The following TNRC18 variants were observed in gnomAD, a reference collection of about 807,000 sequenced individuals.
TNRC18 encodes the protein trinucleotide repeat-containing gene 18 protein.
TNRC18 carries 69 observed loss-of-function variants against 226.7 expected under a neutral mutation model. The observed-to-expected ratio is 0.30, with a 90% CI of 0.25 to 0.37. The LOEUF is 0.37. TNRC18 is among the 10% of genes least tolerant of loss of function. The pLI is 1.00. For missense variants in TNRC18, 4,754 were observed against 4,256.6 expected (o/e 1.12, Z -3.25); for synonymous variants, 2,449 against 1,927.6 (o/e 1.27, Z -7.09).
At chr7:5,347,914 C>A (rs1192112292) in intron 17 of TNRC18, among the ~76,000 whole-genome samples, 2 of 152,162 alleles carry the variant, frequency 1.3e-5, no homozygotes, top group South Asian at 4.1e-4. Context: ...GCGATCGCCA[C>A]TGCACTCCAG....
chr7:5,364,931 C>A (rs1793467605), intron 11 of TNRC18, among the ~76,000 whole-genome samples: 1 of 151,796 alleles, frequency 6.6e-6, no homozygotes, highest in Non-Finnish European at 1.5e-5. Context: ...GAGCTTGGAC[C>A]TTATAAAAAC....
intron 16 of TNRC18, among the ~76,000 whole-genome samples, 198 bp downstream of exon 16, chr7:5,356,718 C>T (rs1201711564): frequency 6.6e-6 from 1 of 152,014 alleles, no homozygotes; most frequent in Non-Finnish European, 1.5e-5. Context: ...CAGTCACAGG[C>T]ATATCCGCTT....
Position 5,332,494 on chromosome 7 carries a change from C to A in TNRC18, c.6147+128G>T, listed in dbSNP as rs943059737. ...GCTAAGTCCTAGCAGGGGCTCCGGG[C>A]GGGCCTGGAGCCGAGTACATGGTTA... is the stretch of plus-strand genomic sequence containing the variant. On this transcript the variant is annotated intron_variant, in intron 19 of 29. Transcript: ENST00000430969. 23 of 1,044,324 alleles carry A rather than the reference C, an allele frequency of 2.2e-5. No homozygotes were observed. In the African/African-American group the frequency reaches 3.4e-4, roughly 16 times the overall value. The allele number at this position is 1,044,324 out of a possible 1,614,324, so 64.7% of individuals were successfully genotyped here.
intron 18 of TNRC18, among the ~76,000 whole-genome samples, chr7:5,341,871 C>CA (rs34662288): frequency 5.3e-5 from 8 of 150,688 alleles, no homozygotes; most frequent in African/African-American, 1.2e-4. Flanking sequence ...CTATTGTTCA[C>CA]AAAAAAAAAT....
Position 5,388,618 on chromosome 7 carries a change from GC to G in TNRC18, c.1205del (p.Arg402ProfsTer188). On this transcript the variant is annotated frameshift_variant, in exon 5 of 30. Transcript: ENST00000430969. LOFTEE classifies it high-confidence loss of function. The part of the protein sequence containing the change: ...SQARDARARE[R>X]EAGRPGVLQA... Reference sequence around the variant, plus strand: ...GCAGGACCCCTGGCCTGCCAGCCTCGCGCTCGCGGGCCCGGGCATCGCGCGC... The same window carrying G: ...GCAGGACCCCTGGCCTGCCAGCCTCGGCTCGCGGGCCCGGGCATCGCGCGC... The G allele has an allele frequency of 7.8e-7, 1 of 1,284,188 alleles. No individual in the cohort carries two copies. Among genetic ancestry groups the G allele is most frequent in the Non-Finnish European group, 9.9e-7 (1 of 1,014,816 alleles). 79.5% of individuals were successfully genotyped at this position (1,284,188 alleles called of 1,614,324 possible). A position where few individuals can be genotyped will look rare whatever the true frequency, so the allele number is the denominator to read the frequency against.
At chr7:5,364,802 A>AG (rs1415025785) in intron 11 of TNRC18, among the ~76,000 whole-genome samples, 4 of 125,516 alleles carry the variant, frequency 3.2e-5, no homozygotes, top group Admixed American at 1.7e-4. Flanking sequence ...AGGCTGTCTC[A>AG]GGAAAAAAAA....
At chr7:5,400,245 G>C (rs1056226585) in intron 2 of TNRC18, among the ~76,000 whole-genome samples, 1 of 152,080 alleles carries the variant, frequency 6.6e-6, no homozygotes, top group Non-Finnish European at 1.5e-5. Flanking sequence ...GCTCAGAGAA[G>C]CTAAAAGCAC....
At chr7:5,316,745 C>T (rs1392178104) in intron 24 of TNRC18, among the ~76,000 whole-genome samples, 3 of 152,110 alleles carry the variant, frequency 2.0e-5, no homozygotes, top group Non-Finnish European at 2.9e-5. Flanking sequence ...AGTGGGAGAC[C>T]GTGGCATTTC....
intron 10 of TNRC18, among the ~76,000 whole-genome samples, chr7:5,373,614 C>T (rs904334992): frequency 1.8e-4 from 28 of 152,192 alleles, no homozygotes; most frequent in African/African-American, 6.5e-4. Context: ...GTCCCAGCCC[C>T]CAAAGCCACC....
chr7:5,376,109 C>A lies in TNRC18; in HGVS notation c.2724G>T (p.Leu908=). The A allele has an allele frequency of 6.3e-7, 1 of 1,592,354 alleles. No individual in the cohort carries two copies. Among genetic ancestry groups the A allele is most frequent in the Non-Finnish European group, 8.5e-7 (1 of 1,170,378 alleles). ...QLQLFSQQHF[L]RQQEFLYLQQ... is the part of the protein sequence containing the mutation. ...GCAGGTACAGGAACTCCTGCTGCCG[C>A]AGGAAGTGCTGCTGTGAGAAGAGCT... The change falls in exon 9 of 30, where the codon CTG becomes CTT. Residue 908 remains leucine (L), a synonymous_variant. Coordinates refer to ENST00000430969, the MANE Select transcript of TNRC18 (RefSeq NM_001080495.3).
rs1210713056 is a variant in TNRC18 at position 5,357,276 on chromosome 7, G to A, written c.4834C>T (p.Leu1612=). ...GCCATCTTCTTCTTCTTAATCTTTA[G>A]CTGGAGAGGGAAGGTGGGTCATGGG... ...HEASSDFISQ[L]KIKKKKMASD... is the part of the protein sequence containing the mutation. Residue 1612 remains leucine, a splice_region_variant and synonymous_variant, in exon 16 of 30, where the codon CTA becomes TTA. Transcript: ENST00000430969. 1 of 1,608,434 alleles carries A rather than the reference G, an allele frequency of 6.2e-7. No individual in the cohort carries two copies. Among genetic ancestry groups the A allele is most frequent in the Admixed American group, 1.7e-5 (1 of 59,170 alleles).
rs1780013582 is a variant in TNRC18, at chr7:5,388,644, C to T, written c.1180G>A (p.Ala394Thr). 7.8e-7 allele frequency: 1 copy of T among 1,277,306 alleles called. No homozygotes were observed. The highest frequency in any genetic ancestry group is 9.9e-7 in the Non-Finnish European group (1 of 1,010,666). 79.1% of individuals were successfully genotyped at this position (1,277,306 alleles called of 1,614,324 possible). Reference sequence around the variant, plus strand: ...CGCTCGCGGGCCCGGGCATCGCGCGCCTGGGATGCGATCTGGATGGGCCCC... The same window carrying T: ...CGCTCGCGGGCCCGGGCATCGCGCGTCTGGGATGCGATCTGGATGGGCCCC... The part of the protein sequence containing the change: ...RPGPIQIASQ[A>T]RDARAREREA... Residue 394 changes from alanine to threonine, a missense_variant, in exon 5 of 30, where the codon GCG becomes ACG. Ala to Thr is a moderately conservative substitution (Grantham distance 58, BLOSUM62 0). Coordinates refer to ENST00000430969, the MANE Select transcript of TNRC18 (RefSeq NM_001080495.3).
chr7:5,355,056 G>C (rs1005840008), intron 16 of TNRC18, among the ~76,000 whole-genome samples: 3 of 152,176 alleles, frequency 2.0e-5, no homozygotes, highest in African/African-American at 7.2e-5. Flanking sequence ...CCCAGGGCCT[G>C]GGGATTCCCA....
intron 5 of TNRC18, among the ~76,000 whole-genome samples, chr7:5,382,909 T>G (rs1454375473): frequency 3.3e-5 from 5 of 152,062 alleles, no homozygotes; most frequent in East Asian, 3.9e-4. Flanking sequence ...TTTCTATTTT[T>G]GGGGTGGGGG....
chr7:5,386,015 G>A (rs576070912), intron 5 of TNRC18, among the ~76,000 whole-genome samples: 15 of 149,116 alleles, frequency 1.0e-4, no homozygotes, highest in African/African-American at 3.7e-4. Flanking sequence ...AAACAGATGC[G>A]GTGGCTCATG....
chr7:5,386,394 T>C (rs1265795267), intron 5 of TNRC18, among the ~76,000 whole-genome samples: 3 of 151,816 alleles, frequency 2.0e-5, no homozygotes, highest in African/African-American at 4.8e-5. Flanking sequence ...CTGGCCAACA[T>C]GGCAAAACCC....
chr7:5,374,489 G>T lies in TNRC18; in HGVS notation c.2800-5C>A, dbSNP rs780006364. On this transcript the variant is annotated splice_region_variant and splice_polypyrimidine_tract_variant and intron_variant, in intron 9 of 29. Coordinates refer to ENST00000430969, the MANE Select transcript of TNRC18 (RefSeq NM_001080495.3). ...CTGCGCCTTCAACCGCTCCTGCTGG[G>T]AAGGGGCCGGCAGGCAGGGTCAGCA... The T allele has an allele frequency of 3.2e-6, 5 of 1,544,846 alleles. No individual in the cohort carries two copies. Among genetic ancestry groups the T allele is most frequent in the Non-Finnish European group, 4.4e-6 (5 of 1,144,864 alleles).
intron 14 of TNRC18, among the ~76,000 whole-genome samples, 198 bp from the exon 15 acceptor site, chr7:5,359,767 G>C (rs915556390): frequency 1.3e-5 from 2 of 152,208 alleles, no homozygotes; most frequent in Non-Finnish European, 2.9e-5. Flanking sequence ...GGCAGAATGA[G>C]AGTTTAAGGT....
chr7:5,378,148 G>A (rs996605075), intron 5 of TNRC18, 124 bp from the exon 6 acceptor site: 11 of 675,138 alleles, frequency 1.6e-5, no homozygotes, highest in East Asian at 5.5e-5. Context: ...ACAGCCATCC[G>A]TGTAGTGCCT....
Sources: gnomAD v4.1 joint callset for allele counts (sites outside exome capture counted in the v4.1 genomes callset) on GRCh38, gnomAD v4.1.1 for gene constraint, MANE v1.5 for transcripts, NCBI Gene and HGNC (gene_info 2026-07-23, HGNC 2026-07-21) for gene names.